The following UTRN variants were observed in gnomAD, a reference collection of about 807,000 sequenced individuals.
UTRN encodes the protein dystrophin-related protein 1.
In UTRN, 283 loss-of-function variants were observed where a neutral mutation model predicts 463.9. That is an observed-to-expected ratio of 0.61 (90% CI 0.55 to 0.67). The LOEUF (loss-of-function observed/expected upper bound fraction) is 0.67. UTRN is among the 30% of genes least tolerant of loss of function. The pLI is 0.00. For synonymous variants in UTRN, 1,442 were observed against 1,431.5 expected, an observed-to-expected ratio of 1.01 and a Z score of -0.17; for missense variants, 3,922 against 4,084.3, an observed-to-expected ratio of 0.96 and a Z score of 1.08.
At chr6:144,683,268 G>A (rs1207089260) in intron 52 of UTRN, among the ~76,000 whole-genome samples, 2 of 152,220 alleles carry the variant, frequency 1.3e-5, no homozygotes, top group South Asian at 2.1e-4. Context: ...GTATCTTCAT[G>A]GCCTGTCGTC....
intron 21 of UTRN, 61 bp from the exon 22 acceptor site, chr6:144,461,136 C>T (rs1370544625): frequency 1.9e-5 from 26 of 1,389,944 alleles, no homozygotes; most frequent in Non-Finnish European, 2.5e-5. Flanking sequence ...GGATAATGGT[C>T]TATGTAATAA....
At chr6:144,603,573 C>A (rs1037922689) in intron 51 of UTRN, among the ~76,000 whole-genome samples, 6 of 152,020 alleles carry the variant, frequency 3.9e-5, no homozygotes, top group African/African-American at 1.5e-4. Context: ...TGTTTCAACA[C>A]GTGGTTAACA....
At chr6:144,295,155 G>C (rs1804568205) in intron 2 of UTRN, among the ~76,000 whole-genome samples, 2 of 152,218 alleles carry the variant, frequency 1.3e-5, no homozygotes, top group African/African-American at 2.4e-5. Context: ...TTTTTAAAAA[G>C]TGAAATTTAT....
intron 65 of UTRN, among the ~76,000 whole-genome samples, chr6:144,817,162 A>T (rs1228584086): frequency 6.6e-6 from 1 of 152,074 alleles, no homozygotes; most frequent in African/African-American, 2.4e-5. Flanking sequence ...GGCTTCAAAA[A>T]CCTGATGATA....
At chr6:144,577,535 C>G (rs1251572720) in intron 51 of UTRN, among the ~76,000 whole-genome samples, 1 of 152,166 alleles carries the variant, frequency 6.6e-6, no homozygotes, top group Non-Finnish European at 1.5e-5. Flanking sequence ...TAGAGGCTCA[C>G]AGCTATTCTG....
At chr6:144,824,570 A>ATT (rs201351463) in intron 66 of UTRN, among the ~76,000 whole-genome samples, 2 of 36,990 alleles carry the variant, frequency 5.4e-5, no homozygotes, top group Non-Finnish European at 9.0e-5. Flanking sequence ...ATAGCATTTT[A>ATT]TTTATATATA....
Position 144,491,064 on chromosome 6 carries a change from G to C in UTRN, c.4399G>C (p.Asp1467His). 6.2e-7 allele frequency: 1 copy of C among 1,613,458 alleles called. No homozygotes were observed. Among genetic ancestry groups the C allele is most frequent in the Non-Finnish European group, 8.5e-7 (1 of 1,179,844 alleles). The part of the protein sequence containing the change: ...ELHVLDVKDV[D>H]PDVIQTHLDK... ...TCACGTTCTGGATGTGAAGGACGTAGACCCTGACGTCATACAGACGCACCT... is the reference window on the plus strand; with the variant it reads ...TCACGTTCTGGATGTGAAGGACGTACACCCTGACGTCATACAGACGCACCT... Residue 1467 changes from aspartate (D) to histidine (H), a missense_variant, in exon 32 of 75, where the codon GAC becomes CAC. Transcript: ENST00000367545.
At chr6:144,550,521 A>G (rs1397726450) in intron 47 of UTRN, among the ~76,000 whole-genome samples, 1 of 151,966 alleles carries the variant, frequency 6.6e-6, no homozygotes, top group African/African-American at 2.4e-5. Flanking sequence ...TCCTCTTAGC[A>G]CTTTTCTGTG....
At position 144,738,980 on chromosome 6, in the gene UTRN, C is replaced by T. The variant is rs749694828; in HGVS notation, c.7939+8494C>T. 5.3e-5 allele frequency among the ~76,000 whole-genome samples: 8 copies of T among 152,042 alleles called. 1 individual carries two copies. The South Asian group carries it at 1.7e-3, about 31-fold the overall frequency. ...GTATAGTTGTGTATGTGTGTATGTG[C>T]ATATACAACTTTATATAGTTGTGTA... On this transcript the variant is annotated intron_variant, in intron 54 of 74. Coordinates refer to ENST00000367545, the MANE Select transcript of UTRN (RefSeq NM_007124.3).
At chr6:144,784,309 A>T (rs192879981) in intron 61 of UTRN, among the ~76,000 whole-genome samples, 134 of 152,274 alleles carry the variant, frequency 8.8e-4, no homozygotes, top group African/African-American at 2.9e-3. Context: ...AGAGAAATTT[A>T]TTTCCTAACA....
intron 54 of UTRN, among the ~76,000 whole-genome samples, chr6:144,732,782 G>A (rs990962797): frequency 6.6e-6 from 1 of 151,780 alleles, no homozygotes; most frequent in African/African-American, 2.4e-5. Flanking sequence ...GTGAAATCAC[G>A]GCCCACTGCA....
At chr6:144,344,380 A>G (rs970999734) in intron 2 of UTRN, 14 of 1,296,442 alleles carry the variant, frequency 1.1e-5, no homozygotes, top group African/African-American at 1.5e-5. Flanking sequence ...GGGTTCTTTC[A>G]TTCAGTTTTG....
At chr6:144,530,952 T>C in intron 41 of UTRN, 100 bp from the exon 42 acceptor site, 3 of 1,348,806 alleles carry the variant, frequency 2.2e-6, no homozygotes, top group Non-Finnish European at 3.0e-6. Context: ...GTTTGAGGTC[T>C]TTCTGTTTAA....
intron 51 of UTRN, among the ~76,000 whole-genome samples, chr6:144,664,091 C>A (rs1190356448): frequency 6.6e-6 from 1 of 152,112 alleles, no homozygotes; most frequent in African/African-American, 2.4e-5. Context: ...GTAATGATAG[C>A]CCTAATCTCA....
Position 144,622,805 on chromosome 6 carries a change from A to G in UTRN, c.7479+45517A>G, listed in dbSNP as rs1775567375. Among the ~76,000 whole-genome samples the G allele has an allele frequency of 2.0e-5, 3 of 152,140 alleles. No homozygotes were observed. In the East Asian group the frequency reaches 5.8e-4, roughly 29 times the overall value. On this transcript the variant is annotated intron_variant, in intron 51 of 74. Coordinates refer to ENST00000367545, the MANE Select transcript of UTRN (RefSeq NM_007124.3). ...TAGAAAACAGGAAAGGATTGTAGGAACTCCCATCTGCATTGGAAAGTGACT... is the reference window on the plus strand; with the variant it reads ...TAGAAAACAGGAAAGGATTGTAGGAGCTCCCATCTGCATTGGAAAGTGACT...
At chr6:144,705,591 C>G (rs1355341382) in intron 53 of UTRN, among the ~76,000 whole-genome samples, 3 of 152,074 alleles carry the variant, frequency 2.0e-5, no homozygotes. Flanking sequence ...CTCACTCATG[C>G]CCTAATCACC....
chr6:144,728,786 C>T (rs912487150), intron 53 of UTRN, among the ~76,000 whole-genome samples: 3 of 151,922 alleles, frequency 2.0e-5, no homozygotes, highest in Non-Finnish European at 2.9e-5. Context: ...TCACTTTGCT[C>T]GTTCATTTAA....
chr6:144,646,753 A>G (rs941787092), intron 51 of UTRN, among the ~76,000 whole-genome samples: 6 of 152,106 alleles, frequency 3.9e-5, no homozygotes, highest in African/African-American at 1.4e-4. Context: ...TTACAAAAGA[A>G]TTTTTCTAAA....
At chr6:144,677,559 A>T (rs1419874155) in intron 51 of UTRN, among the ~76,000 whole-genome samples, 1 of 152,204 alleles carries the variant, frequency 6.6e-6, no homozygotes, top group African/African-American at 2.4e-5. Flanking sequence ...TACTGTAAAT[A>T]GTGCTGCAGT....
Sources: gnomAD v4.1 joint callset for allele counts (sites outside exome capture counted in the v4.1 genomes callset) on GRCh38, gnomAD v4.1.1 for gene constraint, MANE v1.5 for transcripts, NCBI Gene and HGNC (gene_info 2026-07-23, HGNC 2026-07-21) for gene names.